Variants in ZNF407 observed in about 807,000 individuals in gnomAD.
ZNF407 encodes zinc finger protein 407.
Under a neutral mutation model 131.2 loss-of-function variants are expected in ZNF407, and 17 were observed. The ratio of observed to expected loss-of-function variants is 0.13; its 90% confidence interval spans 0.09 to 0.19. ZNF407 has a LOEUF of 0.19. Among genes scored for constraint, ZNF407 ranks in the 10% least tolerant of loss-of-function variants. The probability of loss-of-function intolerance (pLI) is 1.00; values close to 1 mark genes in which losing one functional copy is unlikely to be tolerated. For missense variants in ZNF407, 2,681 were observed against 2,830.6 expected (o/e 0.95, Z 1.20); for synonymous variants, 1,156 against 1,062.0 (o/e 1.09, Z -1.72).
chr18:75,061,201 G>A (rs1324537883), intron 8 of ZNF407: 3 of 152,184 alleles, frequency 2.0e-5, no homozygotes, highest in Non-Finnish European at 2.9e-5. Context: ...GTTAAAAGAC[G>A]CTGTTAAGAA....
At position 74,635,794 on chromosome 18, in the gene ZNF407, T is replaced by C. The variant is rs925962578; in HGVS notation, c.4687+88T>C. 2.7e-6 allele frequency: 4 copies of C among 1,497,716 alleles called. No individual in the cohort carries two copies. Among genetic ancestry groups the C allele is most frequent in the African/African-American group, 1.4e-5 (1 of 71,338 alleles). 92.8% of individuals were successfully genotyped at this position (1,497,716 alleles called of 1,614,324 possible). On this transcript the variant is annotated intron_variant, in intron 2 of 8. Transcript: ENST00000299687. The surrounding 1 kb of genome is among the most constrained non-coding windows in gnomAD (Gnocchi z 4.7). ...ATGCAGCCCTACCTGTGGCTGCTCATTGGCTTTCCACCCGGTTCACATTTC... is the reference window on the plus strand; with the variant it reads ...ATGCAGCCCTACCTGTGGCTGCTCACTGGCTTTCCACCCGGTTCACATTTC...
At chr18:74,786,088 T>C (rs1969706307) in intron 4 of ZNF407, among the ~76,000 whole-genome samples, 1 of 152,246 alleles carries the variant, frequency 6.6e-6, no homozygotes, top group Non-Finnish European at 1.5e-5. Context: ...TTAGAAGATA[T>C]TCTATTCATC....
In ZNF407 at chr18:74,871,401, T is replaced by C. The variant is rs1971084887; in HGVS notation, c.4878-5796T>C. Among the ~76,000 whole-genome samples, 2 of 152,210 alleles carry C rather than the reference T, an allele frequency of 1.3e-5. 1 individual carries two copies. The highest frequency in any genetic ancestry group is 2.9e-5 in the Non-Finnish European group (2 of 68,026). On this transcript the variant is annotated intron_variant, in intron 4 of 8. Coordinates refer to ENST00000299687, the MANE Select transcript of ZNF407 (RefSeq NM_017757.3). ...AAGTCTTTGAGCAACTTAGAAATTG[T>C]TATAAACTTCGTTAGTACATTGAGC...
chr18:74,904,119 C>T (rs1057094688), intron 7 of ZNF407, among the ~76,000 whole-genome samples: 1 of 152,182 alleles, frequency 6.6e-6, no homozygotes, highest in Non-Finnish European at 1.5e-5. Flanking sequence ...GAAGGGGAGG[C>T]AACCACTAAA....
intron 6 of ZNF407, among the ~76,000 whole-genome samples, chr18:74,888,601 G>T (rs893173096): frequency 3.3e-5 from 5 of 152,114 alleles, no homozygotes; most frequent in Non-Finnish European, 7.4e-5. Flanking sequence ...ACATTCCCAA[G>T]CTGTTCCAAC....
At chr18:74,828,697 C>T (rs1043806800) in intron 4 of ZNF407, among the ~76,000 whole-genome samples, 1 of 130,192 alleles carries the variant, frequency 7.7e-6, no homozygotes, top group East Asian at 2.5e-4. Flanking sequence ...TTTTCAGAAA[C>T]CTAGAGTGGG....
In ZNF407 at chr18:74,677,844, C is replaced by T. The variant is rs146637432; in HGVS notation, c.4802+36722C>T. 8.5e-4 allele frequency among the ~76,000 whole-genome samples: 129 copies of T among 152,044 alleles called. No homozygotes were observed. The East Asian group carries it at 0.01, about 12-fold the overall frequency. ...ATGCTGGCCATTTATTTATTCGAGACGGAGTTTCTCTCTGTTGCCTAGGCT... is the reference window on the plus strand; with the variant it reads ...ATGCTGGCCATTTATTTATTCGAGATGGAGTTTCTCTCTGTTGCCTAGGCT... On this transcript the variant is annotated intron_variant, in intron 3 of 8. Transcript: ENST00000299687.
chr18:74,852,202 C>T (rs984683208), intron 4 of ZNF407, among the ~76,000 whole-genome samples: 2 of 149,646 alleles, frequency 1.3e-5, no homozygotes, highest in Non-Finnish European at 3.0e-5. Context: ...CACACACGCA[C>T]GCACGCACGC....
intron 8 of ZNF407, among the ~76,000 whole-genome samples, chr18:75,057,003 A>T (rs945078754): frequency 6.6e-6 from 1 of 152,226 alleles, no homozygotes; most frequent in Non-Finnish European, 1.5e-5. Context: ...GAAAAATTAT[A>T]TGTGGCTTAA....
intron 4 of ZNF407, among the ~76,000 whole-genome samples, chr18:74,865,275 AAGAG>A (rs539765637): frequency 2.6e-5 from 4 of 152,198 alleles, no homozygotes; most frequent in African/African-American, 9.7e-5. Flanking sequence ...ATGTTTTAAA[AAGAG>A]AGACAGTAGC....
At chr18:75,035,127 A>G (rs1973292888) in intron 8 of ZNF407, among the ~76,000 whole-genome samples, 1 of 152,226 alleles carries the variant, frequency 6.6e-6, no homozygotes, top group Non-Finnish European at 1.5e-5. Flanking sequence ...GCTGAATGCC[A>G]TGAAATTAAG....
At chr18:74,918,208 G>A (rs1228548524) in intron 7 of ZNF407, among the ~76,000 whole-genome samples, 2 of 152,288 alleles carry the variant, frequency 1.3e-5, no homozygotes, top group African/African-American at 2.4e-5. Context: ...TGCTTAGAAT[G>A]TGCTAGTGTC....
intron 3 of ZNF407, among the ~76,000 whole-genome samples, chr18:74,670,889 C>G (rs970183731): frequency 6.6e-6 from 1 of 152,210 alleles, no homozygotes; most frequent in Non-Finnish European, 1.5e-5. Context: ...TGGTCTCAGA[C>G]TCCTGGGCTT....
chr18:74,971,195 G>C lies in ZNF407; in HGVS notation c.5428+50503G>C, dbSNP rs1372681610. Among the ~76,000 whole-genome samples the C allele has an allele frequency of 2.9e-4, 44 of 152,216 alleles. 1 individual carries two copies. The highest frequency in any genetic ancestry group is 2.9e-3 in the Admixed American group (44 of 15,290). On this transcript the variant is annotated intron_variant, in intron 8 of 8. Transcript: ENST00000299687. ...TTTTTGCCTCTGGACCTCCAGGCCT[G>C]TGATGGGAAGGGCTGCCATGAGGAT... is the stretch of plus-strand genomic sequence containing the variant.
intron 4 of ZNF407, among the ~76,000 whole-genome samples, chr18:74,822,778 G>A (rs1247211968): frequency 6.6e-6 from 1 of 152,156 alleles, no homozygotes; most frequent in Admixed American, 6.5e-5. Flanking sequence ...GAAGTTTAAA[G>A]TAGTTTTTTT....
chr18:75,015,075 T>G (rs1568301454), intron 8 of ZNF407, among the ~76,000 whole-genome samples: 2 of 152,238 alleles, frequency 1.3e-5, no homozygotes, highest in East Asian at 3.9e-4. Flanking sequence ...TTGGGGAGAC[T>G]ACTAATGTTT....
At chr18:74,870,451 A>G (rs148731501) in intron 4 of ZNF407, among the ~76,000 whole-genome samples, 247 of 152,332 alleles carry the variant, frequency 1.6e-3, no homozygotes, top group Middle Eastern at 0.014. Context: ...TCTTGAAGCC[A>G]CACTAGAGCC....
At chr18:74,848,000 T>G (rs967670537) in intron 4 of ZNF407, among the ~76,000 whole-genome samples, 3 of 152,216 alleles carry the variant, frequency 2.0e-5, no homozygotes, top group African/African-American at 7.2e-5. Context: ...GGACTTTTTA[T>G]AAACTTAAAT....
chr18:74,945,535 G>T (rs567159398), intron 8 of ZNF407, among the ~76,000 whole-genome samples: 2 of 152,008 alleles, frequency 1.3e-5, no homozygotes. Context: ...TTAATATGTC[G>T]CAGTTAGAAT....
Sources: gnomAD v4.1 joint callset for allele counts (sites outside exome capture counted in the v4.1 genomes callset) on GRCh38, gnomAD v4.1.1 for gene constraint, Gnocchi (gnomAD v3.1) non-coding constraint, MANE v1.5 for transcripts, NCBI Gene and HGNC (gene_info 2026-07-23, HGNC 2026-07-21) for gene names.